The following FGF5 variants were observed in gnomAD, a reference collection of about 807,000 sequenced individuals.
The protein encoded by FGF5 is heparin-binding growth factor 5.
FGF5 carries 23 observed loss-of-function variants against 21.8 expected under a neutral mutation model. That is an observed-to-expected ratio of 1.05 (90% confidence interval 0.76 to 1.49). FGF5 has a LOEUF of 1.49. Among genes scored for constraint, FGF5 ranks in the 40% most tolerant of loss-of-function variants. The pLI, the probability that FGF5 is intolerant of heterozygous loss-of-function variation, is 0.00. For synonymous variants in FGF5, 158 were observed against 124.0 expected, an observed-to-expected ratio of 1.27 and a Z score of -1.82; for missense variants, 352 against 332.9, an observed-to-expected ratio of 1.06 and a Z score of -0.45.
chr4:80,280,256 C>T (rs2109925836), intron 2 of FGF5, among the ~76,000 whole-genome samples: 1 of 152,304 alleles, frequency 6.6e-6, no homozygotes, highest in Non-Finnish European at 1.5e-5. Context: ...TTAAACTCTG[C>T]CTTCGCAGTA....
At position 80,267,733 on chromosome 4, in the gene FGF5, G is replaced by GTAGATAGA. The variant is rs3839148; in HGVS notation, c.355+573_355+580dup. Among the ~76,000 whole-genome samples, 202 of 151,062 alleles carry GTAGATAGA rather than the reference G, an allele frequency of 1.3e-3. 1 individual carries two copies. Among genetic ancestry groups the GTAGATAGA allele is most frequent in the East Asian group, 9.9e-3 (50 of 5,072 alleles). On this transcript the variant is annotated intron_variant, in intron 1 of 2. Transcript: ENST00000312465. ...CTATGTATACAATGTATACACATAGGTAGATAGATAGATAGATAGATAGAT... is the reference window on the plus strand; with the variant it reads ...CTATGTATACAATGTATACACATAGGTAGATAGATAGATAGATAGATAGATAGATAGAT...
chr4:80,286,725 G>C lies in FGF5; in HGVS notation c.*53G>C. ...TTCTTTCCCCTCAGGAGTTTCTATA[G>C]GTGTCTTCAGAGTTCTGAAGAAAAA... On this transcript the variant is annotated 3_prime_UTR_variant, in exon 3 of 3. Transcript: ENST00000312465. The C allele has an allele frequency of 7.0e-7, 1 of 1,426,768 alleles. No individual in the cohort carries two copies. Among genetic ancestry groups the C allele is most frequent in the Non-Finnish European group, 9.7e-7 (1 of 1,030,352 alleles). The allele number at this position is 1,426,768 out of a possible 1,614,324, so 88.4% of individuals were successfully genotyped here.
chr4:80,281,984 T>C (rs1184910238), intron 2 of FGF5, among the ~76,000 whole-genome samples: 5 of 151,966 alleles, frequency 3.3e-5, no homozygotes, highest in Admixed American at 6.6e-5. Flanking sequence ...TTTTTTGAGA[T>C]AGAGTTTTGC....
At chr4:80,279,943 G>A (rs1720509200) in intron 2 of FGF5, among the ~76,000 whole-genome samples, 1 of 152,184 alleles carries the variant, frequency 6.6e-6, no homozygotes, top group Admixed American at 6.5e-5. Flanking sequence ...TCCTTTCCTG[G>A]TTTCAGAGGG....
At position 80,286,799 on chromosome 4, in the gene FGF5, A is replaced by G. The variant is rs905786888; in HGVS notation, c.*127A>G. 4.3e-6 allele frequency: 3 copies of G among 693,950 alleles called. No individual in the cohort carries two copies. In the South Asian group the frequency reaches 6.0e-5, roughly 14 times the overall value. The allele number at this position is 693,950 out of a possible 1,614,324, so 43.0% of individuals were successfully genotyped here. A position where few individuals can be genotyped will look rare whatever the true frequency, so the allele number is the denominator to read the frequency against. ...ACTTACACTGTATTGAAGTCACGTC[A>G]TTTGTTTCAATGTGACTGAAACAAA... On this transcript the variant is annotated 3_prime_UTR_variant, in exon 3 of 3. Coordinates refer to ENST00000312465, the MANE Select transcript of FGF5 (RefSeq NM_004464.4).
In FGF5 at chr4:80,288,225, T is replaced by C. The variant is rs1720793654; in HGVS notation, c.*1553T>C. On this transcript the variant is annotated 3_prime_UTR_variant, in exon 3 of 3. Coordinates refer to ENST00000312465, the MANE Select transcript of FGF5 (RefSeq NM_004464.4). ...TTTTCTTAAAGCAAACTATGATTTA[T>C]TTTGGTGCACAAATACAAAGTGGAA... is the stretch of plus-strand genomic sequence containing the variant. The C allele has an allele frequency of 6.6e-6, 1 of 152,152 alleles. No individual in the cohort carries two copies. Among genetic ancestry groups the C allele is most frequent in the African/African-American group, 2.4e-5 (1 of 41,450 alleles). The allele number at this position is 152,152 out of a possible 1,614,324, so 9.4% of individuals were successfully genotyped here. A position where few individuals can be genotyped will look rare whatever the true frequency, so the allele number is the denominator to read the frequency against.
At position 80,286,529 on chromosome 4, in the gene FGF5, T is replaced by G; in HGVS notation, c.664T>G (p.Ser222Ala). 1 of 1,613,462 alleles carries G rather than the reference T, an allele frequency of 6.2e-7. No individual in the cohort carries two copies. The highest frequency in any genetic ancestry group is 2.2e-5 in the East Asian group (1 of 44,856). ...STHFLPRFKQ[S>A]EQPELSFTVT... ...CCATTTTCTGCCAAGATTCAAGCAG[T>G]CGGAGCAGCCAGAACTTTCTTTCAC... Residue 222 changes from serine (S) to alanine (A), a missense_variant, in exon 3 of 3, where the codon TCG (serine) becomes GCG (alanine). Ser to Ala is a moderately conservative substitution (Grantham distance 99). Coordinates refer to ENST00000312465, the MANE Select transcript of FGF5 (RefSeq NM_004464.4).
In FGF5 at chr4:80,274,925, T is replaced by A; in HGVS notation, c.372T>A (p.Phe124Leu). The A allele has an allele frequency of 6.4e-7, 1 of 1,568,206 alleles. No homozygotes were observed. The highest frequency in any genetic ancestry group is 8.7e-7 in the Non-Finnish European group (1 of 1,143,774). The change falls in exon 2 of 3, where the codon TTT (phenylalanine) becomes TTA (leucine). Residue 124 changes from phenylalanine to leucine, a missense_variant. By Grantham distance (22) the Phe-to-Leu change is conservative. Coordinates refer to ENST00000312465, the MANE Select transcript of FGF5 (RefSeq NM_004464.4). ...TCATCCTAGGTGTTTTGGAAATATT[T>A]GCTGTGTCTCAGGGGATTGTAGGAA... ...EANMLSVLEIFAVSQGIVGIR... is the reference protein window; with the variant it reads ...EANMLSVLEILAVSQGIVGIR...
At chr4:80,273,574 T>C (rs1307385912) in intron 1 of FGF5, among the ~76,000 whole-genome samples, 1 of 152,220 alleles carries the variant, frequency 6.6e-6, no homozygotes, top group Non-Finnish European at 1.5e-5. Context: ...GAAAATCTGA[T>C]GAATTTCTCT....
At chr4:80,281,974 T>G (rs987839349) in intron 2 of FGF5, among the ~76,000 whole-genome samples, 4 of 152,094 alleles carry the variant, frequency 2.6e-5, no homozygotes, top group Non-Finnish European at 5.9e-5. Flanking sequence ...AGTTCTTTTT[T>G]TTTTTGAGAT....
At chr4:80,275,419 T>C (rs975807837) in intron 2 of FGF5, among the ~76,000 whole-genome samples, 1 of 151,922 alleles carries the variant, frequency 6.6e-6, no homozygotes, top group African/African-American at 2.4e-5. Context: ...CTACTCATAA[T>C]ACCAAATTGG....
intron 1 of FGF5, chr4:80,268,289 C>A: frequency 6.3e-6 from 1 of 159,736 alleles, no homozygotes; most frequent in Non-Finnish European, 1.3e-5. Flanking sequence ...ATCGCTCTTC[C>A]AGCGCGGGTT....
Position 80,267,157 on chromosome 4 carries a change from A to G in FGF5, c.333A>G (p.Gly111=), listed in dbSNP as rs1720120777. 2.5e-6 allele frequency: 4 copies of G among 1,610,896 alleles called. No homozygotes were observed. The South Asian group carries it at 3.3e-5, about 13-fold the overall frequency. The change falls in exon 1 of 3, where the codon GGA becomes GGG. Residue 111 remains glycine (G), a synonymous_variant. Coordinates refer to ENST00000312465, the MANE Select transcript of FGF5 (RefSeq NM_004464.4). The part of the protein sequence containing the change: ...LQIYPDGKVN[G]SHEANMLSVL... ...TCTACCCGGATGGCAAAGTCAATGG[A>G]TCCCACGAAGCCAATATGTTAAGTA...
chr4:80,270,587 A>G (rs1720242854), intron 1 of FGF5, among the ~76,000 whole-genome samples: 1 of 152,240 alleles, frequency 6.6e-6, no homozygotes, highest in Non-Finnish European at 1.5e-5. Context: ...GGAAAAATGA[A>G]GAAATATGAA....
Position 80,266,757 on chromosome 4 carries a change from C to T in FGF5, c.-68C>T. 1 of 1,348,476 alleles carries T rather than the reference C, an allele frequency of 7.4e-7. No homozygotes were observed. The highest frequency in any genetic ancestry group is 1.0e-6 in the Non-Finnish European group (1 of 992,066). 83.5% of individuals were successfully genotyped at this position (1,348,476 alleles called of 1,614,324 possible). ...GGCGGGCAGAGCCAGAGGCACGCAGCCGCACAGGGGCTACAGAGCCCAGAA... is the reference window on the plus strand; with the variant it reads ...GGCGGGCAGAGCCAGAGGCACGCAGTCGCACAGGGGCTACAGAGCCCAGAA... On this transcript the variant is annotated 5_prime_UTR_variant, in exon 1 of 3. Coordinates refer to ENST00000312465, the MANE Select transcript of FGF5 (RefSeq NM_004464.4).
chr4:80,268,144 A>G (rs1311303622), intron 1 of FGF5: 1 of 151,862 alleles, frequency 6.6e-6, no homozygotes, highest in Admixed American at 6.6e-5. Context: ...CTTCCACCCC[A>G]TCTATGTTTC....
chr4:80,270,986 C>A (rs1720256391), intron 1 of FGF5, among the ~76,000 whole-genome samples: 1 of 152,160 alleles, frequency 6.6e-6, no homozygotes. Context: ...GTGAAGACTG[C>A]TAAACTGAAT....
chr4:80,281,914 C>A (rs1231550875), intron 2 of FGF5, among the ~76,000 whole-genome samples: 2 of 151,956 alleles, frequency 1.3e-5, no homozygotes, highest in Non-Finnish European at 2.9e-5. Flanking sequence ...AAAATTGATC[C>A]TTCACTGTGA....
chr4:80,270,068 C>A (rs112314648), intron 1 of FGF5, among the ~76,000 whole-genome samples: 1 of 152,192 alleles, frequency 6.6e-6, no homozygotes. Context: ...TTGGCCATGG[C>A]CTTTCTTAGA....
Sources: allele counts gnomAD v4.1 joint callset (sites outside exome capture counted in the v4.1 genomes callset), GRCh38; gene constraint gnomAD v4.1.1; transcripts MANE v1.5; gene names NCBI Gene and HGNC (gene_info 2026-07-23, HGNC 2026-07-21).